SMCO4: variants seen among roughly 807,000 people sequenced by gnomAD.
The protein encoded by SMCO4 is single-pass membrane protein with coiled-coil domains 4.
Under a neutral mutation model 3.6 loss-of-function variants are expected in SMCO4, and 4 were observed. The observed-to-expected ratio is 1.11, with a 90% CI of 0.54 to 2.53. SMCO4 has a LOEUF of 2.53. Ranked by LOEUF, SMCO4 falls within the 30% of genes most tolerant of loss-of-function variation. SMCO4 has a pLI of 0.02. For synonymous variants in SMCO4, 36 were observed against 35.3 expected (o/e 1.02, Z -0.07); for missense variants, 70 against 80.8 (o/e 0.87, Z 0.51).
At chr11:93,524,422 T>C (rs1480682520) in intron 1 of SMCO4, among the ~76,000 whole-genome samples, 1 of 152,206 alleles carries the variant, frequency 6.6e-6, no homozygotes, top group African/African-American at 2.4e-5. Flanking sequence ...GGTTGTGTTT[T>C]ATGAAACTTA....
intron 1 of SMCO4, among the ~76,000 whole-genome samples, chr11:93,518,210 T>C (rs778403321): frequency 1.3e-5 from 2 of 152,232 alleles, no homozygotes; most frequent in Non-Finnish European, 2.9e-5. Context: ...TATGTGGCCT[T>C]TGGTGTTTGG....
At chr11:93,491,425 T>C (rs905160222) in intron 2 of SMCO4, among the ~76,000 whole-genome samples, 3 of 152,226 alleles carry the variant, frequency 2.0e-5, no homozygotes, top group Non-Finnish European at 4.4e-5. Context: ...GTTGTTTACT[T>C]ACAATGTGCA....
rs1948563819 is a variant in SMCO4, at chr11:93,479,271, T to C, written c.-80-2A>G. 2 of 1,530,722 alleles carry C rather than the reference T, an allele frequency of 1.3e-6. No individual in the cohort carries two copies. The highest frequency in any genetic ancestry group is 2.6e-5 in the South Asian group (2 of 78,220). 94.8% of individuals were successfully genotyped at this position (1,530,722 alleles called of 1,614,324 possible). On this transcript the variant is annotated splice_acceptor_variant, in intron 2 of 2. Coordinates refer to ENST00000298966, the MANE Select transcript of SMCO4 (RefSeq NM_020179.3). LOFTEE classifies it low-confidence loss of function (5UTR_SPLICE). ...TCCTCTTGCCAAGGCTGGAACCTCC[T>C]GTAGAGAGAACAACTGTGATAGTAG...
intron 2 of SMCO4, among the ~76,000 whole-genome samples, chr11:93,484,541 C>T (rs563259942): frequency 1.6e-3 from 247 of 152,160 alleles, no homozygotes; most frequent in Non-Finnish European, 3.1e-3. Context: ...TTGCAGACAT[C>T]GAAAAATTAG....
At chr11:93,503,347 A>G (rs1423343837) in intron 1 of SMCO4, among the ~76,000 whole-genome samples, 2 of 152,302 alleles carry the variant, frequency 1.3e-5, no homozygotes, top group East Asian at 1.9e-4. Context: ...CTTATTCATT[A>G]CCACAAGAAC....
At chr11:93,494,957 C>T (rs544271508) in intron 2 of SMCO4, among the ~76,000 whole-genome samples, 2 of 152,174 alleles carry the variant, frequency 1.3e-5, no homozygotes, top group South Asian at 4.1e-4. Flanking sequence ...TCAACTCCCA[C>T]CCCACCGTGC....
chr11:93,498,061 T>G (rs1165327374), intron 2 of SMCO4, among the ~76,000 whole-genome samples: 1 of 152,110 alleles, frequency 6.6e-6, no homozygotes, highest in East Asian at 1.9e-4. Context: ...CTTGGATAAT[T>G]TCTTAATTGA....
In SMCO4 at chr11:93,482,332, C is replaced by T. The variant is rs141647306; in HGVS notation, c.-80-3063G>A. On this transcript the variant is annotated intron_variant, in intron 2 of 2. Coordinates refer to ENST00000298966, the MANE Select transcript of SMCO4 (RefSeq NM_020179.3). ...GGAGGGCATGGGCACTGGGGAAGGG[C>T]GGACTCAAGAAGCGCATTGAGTGCT... 3.1e-3 allele frequency among the ~76,000 whole-genome samples: 475 copies of T among 152,244 alleles called. 2 individuals carry two copies. The highest frequency in any genetic ancestry group is 0.011 in the African/African-American group (439 of 41,534).
At chr11:93,499,896 GC>G (rs1328986247) in intron 1 of SMCO4, among the ~76,000 whole-genome samples, 1 of 152,194 alleles carries the variant, frequency 6.6e-6, no homozygotes, top group Non-Finnish European at 1.5e-5. Flanking sequence ...ATGTGTGACA[GC>G]CACAGAGGAC....
chr11:93,510,356 G>T (rs2605618), intron 1 of SMCO4, among the ~76,000 whole-genome samples: 51,119 of 152,084 alleles, frequency 0.34, 9,156 homozygotes, highest in East Asian at 0.7. Flanking sequence ...TTTGGCCTTA[G>T]GGCTACAGTC....
At chr11:93,527,947 G>GT (rs1477859599) in intron 1 of SMCO4, among the ~76,000 whole-genome samples, 3 of 151,966 alleles carry the variant, frequency 2.0e-5, no homozygotes, top group Non-Finnish European at 4.4e-5. Context: ...AGTATATTTT[G>GT]TTTTTTTAAA....
intron 1 of SMCO4, among the ~76,000 whole-genome samples, chr11:93,533,307 T>C (rs1949180557): frequency 6.6e-6 from 1 of 152,174 alleles, no homozygotes; most frequent in South Asian, 2.1e-4. Flanking sequence ...GCTGGCACTG[T>C]AGGAATAGAA....
upstream of SMCO4, among the ~76,000 whole-genome samples, chr11:93,544,097 T>A (rs555375427): frequency 1.7e-3 from 253 of 152,304 alleles, 1 homozygote; most frequent in African/African-American, 5.9e-3. Context: ...AGCTGGGCAA[T>A]CGCGGGAAAG....
At chr11:93,530,525 A>G (rs1293761894) in intron 1 of SMCO4, among the ~76,000 whole-genome samples, 2 of 152,152 alleles carry the variant, frequency 1.3e-5, no homozygotes, top group African/African-American at 4.8e-5. Context: ...AAAGTCCTCA[A>G]TGAGCTGGCC....
intron 1 of SMCO4, among the ~76,000 whole-genome samples, chr11:93,514,844 A>G (rs1948995041): frequency 6.6e-6 from 1 of 152,206 alleles, no homozygotes; most frequent in Non-Finnish European, 1.5e-5. Context: ...CTTTAAACAC[A>G]TCGTCTCCTA....
intron 1 of SMCO4, among the ~76,000 whole-genome samples, chr11:93,531,260 T>TG (rs1949158870): frequency 6.6e-6 from 1 of 152,202 alleles, no homozygotes; most frequent in South Asian, 2.1e-4. Context: ...GCTGGGACAT[T>TG]GGTCTTTTCT....
intron 1 of SMCO4, among the ~76,000 whole-genome samples, chr11:93,524,169 A>G (rs927559231): frequency 6.6e-6 from 1 of 152,190 alleles, no homozygotes; most frequent in Non-Finnish European, 1.5e-5. Context: ...TATCTCATAT[A>G]TATCTTACCA....
At chr11:93,524,277 G>T (rs561828560) in intron 1 of SMCO4, among the ~76,000 whole-genome samples, 1 of 152,270 alleles carries the variant, frequency 6.6e-6, no homozygotes, top group East Asian at 1.9e-4. Context: ...GGAAACGGCC[G>T]GGAGGGAACC....
At chr11:93,514,421 T>TATATATAAAA (rs1271205813) in intron 1 of SMCO4, among the ~76,000 whole-genome samples, 1 of 53,412 alleles carries the variant, frequency 1.9e-5, no homozygotes, top group African/African-American at 7.2e-5. Context: ...TATATATATA[T>TATATATAAAA]AAAATTTGGT....
Sources: gnomAD v4.1 joint callset for allele counts (sites outside exome capture counted in the v4.1 genomes callset) on GRCh38, gnomAD v4.1.1 for gene constraint, MANE v1.5 for transcripts, NCBI Gene and HGNC (gene_info 2026-07-23, HGNC 2026-07-21) for gene names.